Variants in GRIK4 observed in about 807,000 individuals in gnomAD.
GRIK4 encodes the protein glutamate receptor ionotropic, kainate 4.
Under a neutral mutation model 104.9 loss-of-function variants are expected in GRIK4, and 40 were observed. That is an observed-to-expected ratio of 0.38 (90% CI 0.30 to 0.50). GRIK4 has a LOEUF of 0.50. Ranked by LOEUF, GRIK4 falls within the 20% of genes least tolerant of loss-of-function variation. The pLI is 0.93. For synonymous variants in GRIK4, 485 were observed against 524.9 expected (o/e 0.92, Z 1.04); for missense variants, 1,047 against 1,308.1 (o/e 0.80, Z 3.08).
chr11:120,731,561 C>A (rs369833228), intron 3 of GRIK4, among the ~76,000 whole-genome samples: 1 of 152,118 alleles, frequency 6.6e-6, no homozygotes. Flanking sequence ...GTTTTGTTCT[C>A]AGGGTAATAC....
intron 1 of GRIK4, among the ~76,000 whole-genome samples, chr11:120,609,651 A>G (rs978958963): frequency 2.0e-5 from 3 of 148,914 alleles, no homozygotes; most frequent in Middle Eastern, 3.3e-3. Context: ...AGTAGCTGGG[A>G]CTACAGGTGC....
intron 11 of GRIK4, among the ~76,000 whole-genome samples, chr11:120,877,312 G>C (rs1052659308): frequency 1.3e-5 from 2 of 152,186 alleles, no homozygotes; most frequent in Admixed American, 1.3e-4. Flanking sequence ...ACCATGCTGG[G>C]CCTGGGGGAA....
chr11:120,980,990 C>T (rs2134796494), intron 19 of GRIK4, among the ~76,000 whole-genome samples: 2 of 150,398 alleles, frequency 1.3e-5, no homozygotes, highest in East Asian at 3.9e-4. Context: ...TGACTCATCT[C>T]ATAGTGCCGT....
At chr11:120,723,847 C>CT (rs1950976962) in intron 3 of GRIK4, among the ~76,000 whole-genome samples, 1 of 151,892 alleles carries the variant, frequency 6.6e-6, no homozygotes, top group African/African-American at 2.4e-5. Context: ...GTGAAATTCA[C>CT]TTTTTATGAG....
chr11:120,827,286 C>T (rs945486249), intron 6 of GRIK4, among the ~76,000 whole-genome samples: 1 of 152,228 alleles, frequency 6.6e-6, no homozygotes, highest in South Asian at 2.1e-4. Context: ...ATCCTCCTCC[C>T]ACCCCTCTTG....
In GRIK4 at chr11:120,522,926, G is replaced by A. The variant is rs28739499; in HGVS notation, c.-159+11039G>A. On this transcript the variant is annotated intron_variant, in intron 1 of 20. Transcript: ENST00000527524. Reference sequence around the variant, plus strand: ...CCTCCTATGTGCCAGGCACAGCCACGGAGCAGCACAGCTGGCCCCATCTCA... The same window carrying A: ...CCTCCTATGTGCCAGGCACAGCCACAGAGCAGCACAGCTGGCCCCATCTCA... Among the ~76,000 whole-genome samples the A allele has an allele frequency of 4.2e-3, 643 of 152,052 alleles. 8 individuals are homozygous for A. The highest frequency in any genetic ancestry group is 0.015 in the African/African-American group (603 of 41,472).
chr11:120,576,831 G>A (rs573857823), intron 1 of GRIK4, among the ~76,000 whole-genome samples: 2 of 152,260 alleles, frequency 1.3e-5, no homozygotes, highest in South Asian at 2.1e-4. Context: ...CCTGTGCTGG[G>A]CCCGGGACAT....
At position 120,983,454 on chromosome 11, in the gene GRIK4, A is replaced by T. The variant is rs563020710; in HGVS notation, c.2514+1230A>T. Among the ~76,000 whole-genome samples the T allele has an allele frequency of 2.0e-5, 3 of 152,270 alleles. No individual in the cohort carries two copies. In the East Asian group the frequency reaches 5.8e-4, roughly 29 times the overall value. ...CCCCTCCCAGTGGACCAAACCAAAG[A>T]GAATCTACTGGGCCTTATTGGACTT... On this transcript the variant is annotated intron_variant, in intron 20 of 20. Coordinates refer to ENST00000527524, the MANE Select transcript of GRIK4 (RefSeq NM_014619.5).
At chr11:120,690,419 G>T (rs1950339814) in intron 3 of GRIK4, among the ~76,000 whole-genome samples, 1 of 152,236 alleles carries the variant, frequency 6.6e-6, no homozygotes, top group South Asian at 2.1e-4. Flanking sequence ...GCACACATGG[G>T]GCTGAAACCT....
intron 16 of GRIK4, among the ~76,000 whole-genome samples, chr11:120,960,575 GCACCCGCAGCTCATT>G (rs1446612210): frequency 2.0e-5 from 3 of 152,220 alleles, no homozygotes; most frequent in Admixed American, 1.3e-4. Flanking sequence ...CTTGGAGCTG[GCACCCGCAGCTCATT>G]CACTAGCTCA....
intron 1 of GRIK4, among the ~76,000 whole-genome samples, chr11:120,646,483 T>TG (rs1479497016): frequency 2.0e-5 from 3 of 151,836 alleles, no homozygotes; most frequent in African/African-American, 7.3e-5. Context: ...GTGGAGGGAG[T>TG]GGGGGGACAT....
Position 120,660,252 on chromosome 11 carries a change from A to G in GRIK4, c.-50-17A>G. On this transcript the variant is annotated splice_polypyrimidine_tract_variant and intron_variant, in intron 2 of 20. Transcript: ENST00000527524. The stretch of plus-strand genomic sequence containing the variant: ...TGGAGCCTGGGACTCACGTGCCCCC[A>G]ACCCCCTCTCTCGCAGAGTTATGTC... The G allele has an allele frequency of 8.5e-7, 1 of 1,182,472 alleles. No individual in the cohort carries two copies. Among genetic ancestry groups the G allele is most frequent in the Non-Finnish European group, 1.3e-6 (1 of 795,834 alleles). The allele number at this position is 1,182,472 out of a possible 1,614,324, so 73.2% of individuals were successfully genotyped here.
chr11:120,973,995 C>T (rs1944519622), intron 19 of GRIK4, among the ~76,000 whole-genome samples: 1 of 151,988 alleles, frequency 6.6e-6, no homozygotes, highest in Non-Finnish European at 1.5e-5. Context: ...GCAACCTTCA[C>T]CTCCTGGGTT....
At chr11:120,924,632 A>C (rs556656415) in intron 13 of GRIK4, among the ~76,000 whole-genome samples, 3 of 152,146 alleles carry the variant, frequency 2.0e-5, no homozygotes, top group Admixed American at 2.0e-4. Flanking sequence ...AAAGGTAACC[A>C]TTATTCCAAA....
At chr11:120,887,016 C>T (rs1955136679) in intron 11 of GRIK4, among the ~76,000 whole-genome samples, 1 of 152,232 alleles carries the variant, frequency 6.6e-6, no homozygotes, top group Non-Finnish European at 1.5e-5. Context: ...AACTCATCAC[C>T]TACAGGAACA....
intron 1 of GRIK4, among the ~76,000 whole-genome samples, chr11:120,532,545 C>T (rs1947934048): frequency 6.6e-6 from 1 of 152,252 alleles, no homozygotes; most frequent in South Asian, 2.1e-4. Flanking sequence ...CCTCCTCCCT[C>T]TGAGCCGGCT....
At chr11:120,885,284 G>C (rs1955085376) in intron 11 of GRIK4, among the ~76,000 whole-genome samples, 1 of 152,250 alleles carries the variant, frequency 6.6e-6, no homozygotes, top group Non-Finnish European at 1.5e-5. Flanking sequence ...TTTGAGGAAG[G>C]CCAATTTGAT....
intron 3 of GRIK4, among the ~76,000 whole-genome samples, chr11:120,733,386 ATCT>A (rs1473120785): frequency 6.8e-6 from 1 of 147,986 alleles, no homozygotes; most frequent in Non-Finnish European, 1.5e-5. Context: ...TTTTTTTGTG[ATCT>A]TCTTGTCCTT....
intron 7 of GRIK4, among the ~76,000 whole-genome samples, chr11:120,834,016 A>G (rs1293536823): frequency 1.3e-5 from 2 of 152,228 alleles, no homozygotes; most frequent in Admixed American, 1.3e-4. Context: ...CTTTTGCTAC[A>G]ATAAATAATG....
Sources: allele counts gnomAD v4.1 joint callset (sites outside exome capture counted in the v4.1 genomes callset), GRCh38; gene constraint gnomAD v4.1.1; transcripts MANE v1.5; gene names NCBI Gene and HGNC (gene_info 2026-07-23, HGNC 2026-07-21).